AUTS2: variants seen among roughly 807,000 people sequenced by gnomAD.
The protein encoded by AUTS2 is autism susceptibility gene 2 protein.
Under a neutral mutation model 112.4 loss-of-function variants are expected in AUTS2, and 17 were observed. The ratio of observed to expected loss-of-function variants is 0.15; its 90% CI spans 0.10 to 0.23. The LOEUF (loss-of-function observed/expected upper bound fraction) is 0.23. Among genes scored for constraint, AUTS2 ranks in the 10% least tolerant of loss-of-function variants. The probability of loss-of-function intolerance (pLI) is 1.00; values close to 1 mark genes in which losing one functional copy is unlikely to be tolerated. For synonymous variants in AUTS2, 751 were observed against 702.7 expected (o/e 1.07, Z -1.09); for missense variants, 1,510 against 1,701.6 (o/e 0.89, Z 1.98).
intron 5 of AUTS2, among the ~76,000 whole-genome samples, chr7:70,605,024 T>C (rs73706196): frequency 0.019 from 2,851 of 152,330 alleles, 91 homozygotes; most frequent in African/African-American, 0.062. Flanking sequence ...CCTTAATCTT[T>C]TCTTGTGGTA....
At chr7:70,461,778 G>A (rs1488570867) in intron 5 of AUTS2, among the ~76,000 whole-genome samples, 3 of 152,106 alleles carry the variant, frequency 2.0e-5, no homozygotes, top group African/African-American at 7.2e-5. Context: ...GTGAGGAGTT[G>A]CCTGTCATTT....
intron 5 of AUTS2, among the ~76,000 whole-genome samples, chr7:70,533,890 G>A (rs1800199067): frequency 6.6e-6 from 1 of 152,202 alleles, no homozygotes; most frequent in African/African-American, 2.4e-5. Flanking sequence ...GCACCATGCA[G>A]CAGTGGGCTT....
chr7:69,611,792 C>T (rs1268424753), intron 1 of AUTS2, among the ~76,000 whole-genome samples: 5 of 150,994 alleles, frequency 3.3e-5, no homozygotes, highest in East Asian at 2.0e-4. Flanking sequence ...TAGCCGGGCG[C>T]GGTGGCAGGC....
intron 10 of AUTS2, among the ~76,000 whole-genome samples, chr7:70,769,942 G>A (rs773351238): frequency 6.6e-6 from 1 of 152,224 alleles, no homozygotes; most frequent in Non-Finnish European, 1.5e-5. Flanking sequence ...CAAAAAGAAA[G>A]TGGTAAGAAC....
At chr7:69,641,432 T>C (rs1794792815) in intron 1 of AUTS2, among the ~76,000 whole-genome samples, 1 of 150,310 alleles carries the variant, frequency 6.7e-6, no homozygotes, top group African/African-American at 2.5e-5. Context: ...TCATAGGCCT[T>C]ATCATAATCT....
At chr7:69,738,257 TC>T (rs1424569318) in intron 1 of AUTS2, among the ~76,000 whole-genome samples, 20 of 151,956 alleles carry the variant, frequency 1.3e-4, no homozygotes, top group Non-Finnish European at 2.6e-4. Flanking sequence ...TCCTTTTTCA[TC>T]CCCTTCTCTC....
chr7:69,893,966 A>G (rs1011573157), intron 1 of AUTS2, among the ~76,000 whole-genome samples: 9 of 152,154 alleles, frequency 5.9e-5, no homozygotes, highest in Non-Finnish European at 1.2e-4. Flanking sequence ...TATTTTGAAG[A>G]AGGCGGGGTG....
intron 1 of AUTS2, among the ~76,000 whole-genome samples, chr7:69,858,694 C>G (rs956887918): frequency 6.6e-6 from 1 of 152,106 alleles, no homozygotes; most frequent in African/African-American, 2.4e-5. Flanking sequence ...GGCAAGGAAG[C>G]CTTGGCAAAG....
chr7:70,233,860 A>C (rs1282273398), intron 4 of AUTS2, among the ~76,000 whole-genome samples: 6 of 152,262 alleles, frequency 3.9e-5, no homozygotes, highest in African/African-American at 1.4e-4. Context: ...GTGGCGTTAC[A>C]GCCCTATACT....
At chr7:69,944,967 A>G (rs1048541146) in intron 2 of AUTS2, among the ~76,000 whole-genome samples, 2 of 152,190 alleles carry the variant, frequency 1.3e-5, no homozygotes, top group African/African-American at 4.8e-5. Context: ...CAAACAAACA[A>G]ACAACTTGGT....
intron 4 of AUTS2, among the ~76,000 whole-genome samples, chr7:70,266,925 C>T (rs986636271): frequency 2.0e-5 from 3 of 152,156 alleles, no homozygotes; most frequent in Non-Finnish European, 4.4e-5. Flanking sequence ...GGGCCATGGC[C>T]CATTTGCCAG....
chr7:69,854,342 G>A (rs751418441), intron 1 of AUTS2, among the ~76,000 whole-genome samples: 3 of 152,136 alleles, frequency 2.0e-5, no homozygotes, highest in Admixed American at 1.3e-4. Context: ...ACAGGTCTTA[G>A]AGTTTAAAGT....
At chr7:69,898,430 C>G (rs372568196) in intron 1 of AUTS2, among the ~76,000 whole-genome samples, 1 of 152,144 alleles carries the variant, frequency 6.6e-6, no homozygotes, top group South Asian at 2.1e-4. Context: ...CCATTTTGCA[C>G]GTGGTCTCAG....
intron 1 of AUTS2, among the ~76,000 whole-genome samples, chr7:69,611,328 T>C (rs1038132564): frequency 1.3e-5 from 2 of 152,104 alleles, no homozygotes; most frequent in Non-Finnish European, 2.9e-5. Context: ...CAAATGATAA[T>C]TGCAGGTGAG....
intron 5 of AUTS2, among the ~76,000 whole-genome samples, chr7:70,449,310 TCCTTTTCCACTG>T (rs1404914543): frequency 3.9e-5 from 6 of 152,256 alleles, no homozygotes; most frequent in Non-Finnish European, 5.9e-5. Flanking sequence ...AGACTGTCTC[TCCTTTTCCACTG>T]CCATTGCTAA....
chr7:70,507,961 T>G (rs1799035575), intron 5 of AUTS2, among the ~76,000 whole-genome samples: 1 of 152,210 alleles, frequency 6.6e-6, no homozygotes, highest in Non-Finnish European at 1.5e-5. Context: ...ACTTAATTTT[T>G]TAGGTGTTGA....
intron 4 of AUTS2, among the ~76,000 whole-genome samples, chr7:70,151,117 C>G (rs1438620056): frequency 1.3e-5 from 2 of 151,976 alleles, no homozygotes; most frequent in Non-Finnish European, 2.9e-5. Flanking sequence ...TACTGAGAGT[C>G]CAGGAAGAAC....
At chr7:70,011,881 T>C (rs1799821984) in intron 2 of AUTS2, among the ~76,000 whole-genome samples, 1 of 152,138 alleles carries the variant, frequency 6.6e-6, no homozygotes, top group East Asian at 1.9e-4. Context: ...AGTTTCCCTC[T>C]GACTGCCTCA....
intron 1 of AUTS2, among the ~76,000 whole-genome samples, chr7:69,721,503 T>C (rs1295730890): frequency 6.6e-6 from 1 of 152,326 alleles, no homozygotes; most frequent in Non-Finnish European, 1.5e-5. Context: ...TTCAGTTTCT[T>C]TTGCCCATCA....
Sources: gnomAD v4.1 joint callset for allele counts (sites outside exome capture counted in the v4.1 genomes callset) on GRCh38, gnomAD v4.1.1 for gene constraint, MANE v1.5 for transcripts, NCBI Gene and HGNC (gene_info 2026-07-23, HGNC 2026-07-21) for gene names.